The following PECAM1 variants were observed in gnomAD, a reference collection of about 807,000 sequenced individuals.
The protein encoded by PECAM1 is platelet endothelial cell adhesion molecule.
In PECAM1, 8 loss-of-function variants were observed where a neutral mutation model predicts 13.8. The observed-to-expected ratio is 0.58, with a 90% CI of 0.34 to 1.05. PECAM1 has a LOEUF of 1.05. Among genes scored for constraint, PECAM1 ranks in the 50% least tolerant of loss-of-function variants. The pLI is 0.03. For missense variants in PECAM1, 304 were observed against 141.2 expected, an observed-to-expected ratio of 2.15 and a Z score of -5.84; for synonymous variants, 136 against 52.6, an observed-to-expected ratio of 2.58 and a Z score of -6.86.
intron 2 of PECAM1, among the ~76,000 whole-genome samples, chr17:64,379,610 C>A (rs1287995394): frequency 6.6e-6 from 1 of 152,132 alleles, no homozygotes; most frequent in African/African-American, 2.4e-5. Flanking sequence ...ACTAGCTTCC[C>A]TGTGGTTGTC....
chr17:64,326,114 G>A (rs550812976), intron 15 of PECAM1, among the ~76,000 whole-genome samples: 17 of 152,276 alleles, frequency 1.1e-4, no homozygotes, highest in African/African-American at 3.9e-4. Flanking sequence ...AGGAGCCCTT[G>A]GAGGGAAAAA....
intron 2 of PECAM1, 150 bp from the exon 3 acceptor site, chr17:64,378,267 T>C: frequency 2.5e-6 from 1 of 396,514 alleles, no homozygotes; most frequent in East Asian, 3.6e-5. Context: ...AGGCTGATAG[T>C]AACTGTGCAC....
rs13306807 is a variant in PECAM1, at chr17:64,323,389, A to C, written c.*427T>G. 9 of 1,102,078 alleles carry C rather than the reference A, an allele frequency of 8.2e-6. No individual in the cohort carries two copies. The East Asian group carries it at 6.6e-4, about 81-fold the overall frequency. The allele number at this position is 1,102,078 out of a possible 1,614,324, so 68.3% of individuals were successfully genotyped here. A position where few individuals can be genotyped will look rare whatever the true frequency, so the allele number is the denominator to read the frequency against. On this transcript the variant is annotated 3_prime_UTR_variant, in exon 16 of 16. Transcript: ENST00000563924. ...CCTTTGAAGGACCAAAGGAAAAGAG[A>C]AAAAACCAGCCTCTAACCAGGCCAT...
rs1055981721 is a variant in PECAM1, at chr17:64,322,152, A to G, written c.*1664T>C. 22 of 899,270 alleles carry G rather than the reference A, an allele frequency of 2.4e-5. No homozygotes were observed. The African/African-American group carries it at 2.5e-4, about 10-fold the overall frequency. 55.7% of individuals were successfully genotyped at this position (899,270 alleles called of 1,614,324 possible). A position where few individuals can be genotyped will look rare whatever the true frequency, so the allele number is the denominator to read the frequency against. ...AGGCCTGTGGAGCACACATGAGGAC[A>G]AGGCGGGCAGATCACCAAAGGTCAG... On this transcript the variant is annotated 3_prime_UTR_variant, in exon 16 of 16. Coordinates refer to ENST00000563924, the MANE Select transcript of PECAM1 (RefSeq NM_000442.5).
rs1370467406 is a variant in PECAM1 at position 64,356,415 on chromosome 17, G to A, written c.1493-17C>T. 1 of 455,634 alleles carries A rather than the reference G, an allele frequency of 2.2e-6. No homozygotes were observed. The highest frequency in any genetic ancestry group is 2.0e-5 in the African/African-American group (1 of 49,980). The allele number at this position is 455,634 out of a possible 1,614,324, so 28.2% of individuals were successfully genotyped here. The stretch of plus-strand genomic sequence containing the variant: ...CCACCGGGGCTGAAAAGCAGGAAAA[G>A]GATTCACACTGAGCAAAGAAGGGCA... On this transcript the variant is annotated splice_polypyrimidine_tract_variant and intron_variant, in intron 7 of 15. Coordinates refer to ENST00000563924, the MANE Select transcript of PECAM1 (RefSeq NM_000442.5).
chr17:64,354,960 T>G lies in PECAM1; in HGVS notation c.1861A>C (p.Lys621Gln), dbSNP rs2035814778. The G allele has an allele frequency of 2.1e-6, 1 of 475,236 alleles. No homozygotes were observed. Among genetic ancestry groups the G allele is most frequent in the South Asian group, 6.7e-5 (1 of 14,878 alleles). 29.4% of individuals were successfully genotyped at this position (475,236 alleles called of 1,614,324 possible). Residue 621 changes from lysine to glutamine, a missense_variant, in exon 9 of 16, where the codon AAA becomes CAA. Lys to Gln is a moderately conservative substitution (Grantham distance 53, BLOSUM62 1). Coordinates refer to ENST00000563924, the MANE Select transcript of PECAM1 (RefSeq NM_000442.5). ...TTGGCTTTCCTCAGAAAATAACATT[T>G]GGCCGCAATGATCAAGAGAGCAATG... ...VIIALLIIAA[K>Q]CYFLRKAKAK...
intron 13 of PECAM1, among the ~76,000 whole-genome samples, chr17:64,347,180 G>A (rs1187844250): frequency 6.6e-6 from 1 of 151,924 alleles, no homozygotes; most frequent in African/African-American, 2.4e-5. Context: ...ACCAGCCAGG[G>A]CAACATGGCG....
At chr17:64,351,683 C>A (rs916767494) in intron 11 of PECAM1, among the ~76,000 whole-genome samples, 1 of 152,070 alleles carries the variant, frequency 6.6e-6, no homozygotes, top group Non-Finnish European at 1.5e-5. Context: ...CCACTGCACT[C>A]CAGCCTGGGA....
intron 2 of PECAM1, among the ~76,000 whole-genome samples, chr17:64,384,887 T>G (rs2036560174): frequency 6.6e-6 from 1 of 152,246 alleles, no homozygotes; most frequent in Non-Finnish European, 1.5e-5. Flanking sequence ...GCCTGATTCT[T>G]GTTTTGATAA....
chr17:64,349,224 C>T (rs910082165), intron 12 of PECAM1, among the ~76,000 whole-genome samples: 2 of 152,140 alleles, frequency 1.3e-5, no homozygotes, highest in Non-Finnish European at 2.9e-5. Flanking sequence ...AATAACATTA[C>T]TGTTTTGTTT....
intron 14 of PECAM1, among the ~76,000 whole-genome samples, chr17:64,333,507 C>A (rs1597997319): frequency 6.6e-6 from 1 of 152,000 alleles, no homozygotes; most frequent in East Asian, 1.9e-4. Flanking sequence ...TTAGCGGTAT[C>A]CCTGGCCTCT....
At chr17:64,351,366 A>C (rs2035719036) in intron 11 of PECAM1, among the ~76,000 whole-genome samples, 1 of 152,170 alleles carries the variant, frequency 6.6e-6, no homozygotes, top group Non-Finnish European at 1.5e-5. Context: ...AAAATTTCTT[A>C]TTTTGTGAGA....
intron 2 of PECAM1, chr17:64,390,150 A>C: frequency 6.8e-6 from 2 of 294,044 alleles, no homozygotes; most frequent in East Asian, 5.8e-5. Flanking sequence ...GCAACAACCT[A>C]ATATATTTTT....
chr17:64,336,020 TTGGGAGGCCAAGG>T (rs1203317240), intron 14 of PECAM1, among the ~76,000 whole-genome samples: 1 of 151,938 alleles, frequency 6.6e-6, no homozygotes, highest in East Asian at 1.9e-4. Context: ...TCCCAGCACT[TTGGGAGGCCAAGG>T]CAGGTGGATC....
intron 9 of PECAM1, among the ~76,000 whole-genome samples, chr17:64,354,563 G>A (rs2035806453): frequency 6.6e-6 from 1 of 152,180 alleles, no homozygotes; most frequent in Non-Finnish European, 1.5e-5. Context: ...CTGCTCAGCC[G>A]GGCTTACTTA....
intron 14 of PECAM1, among the ~76,000 whole-genome samples, chr17:64,334,086 G>T (rs1315090346): frequency 1.3e-4 from 20 of 149,288 alleles, no homozygotes; most frequent in African/African-American, 4.9e-4. Context: ...ACGTGGGGAG[G>T]CAGCTGAGTG....
At chr17:64,349,590 A>AAAAAAAAAAAAAC (rs2035665450) in intron 12 of PECAM1, among the ~76,000 whole-genome samples, 1 of 148,648 alleles carries the variant, frequency 6.7e-6, no homozygotes, top group Non-Finnish European at 1.5e-5. Flanking sequence ...TCTGTATCAA[A>AAAAAAAAAAAAAC]AAAAAAAAAA....
In PECAM1 at chr17:64,349,470, C is replaced by T. The variant is rs2035661123; in HGVS notation, c.2044+910G>A. Among the ~76,000 whole-genome samples, 3 of 151,394 alleles carry T rather than the reference C, an allele frequency of 2.0e-5. No individual in the cohort carries two copies. The South Asian group carries it at 6.3e-4, about 32-fold the overall frequency. ...GGGCATGGTGGCACACACCTGTAAT[C>T]CCAGCTACTTGGGAGGCTGAGGCAC... On this transcript the variant is annotated intron_variant, in intron 12 of 15. Transcript: ENST00000563924.
intron 14 of PECAM1, among the ~76,000 whole-genome samples, chr17:64,341,045 G>C (rs1183956795): frequency 6.7e-6 from 1 of 148,632 alleles, no homozygotes; most frequent in Non-Finnish European, 1.5e-5. Flanking sequence ...GCAGTGAGCC[G>C]AGATCGCTCC....
Sources: allele counts gnomAD v4.1 joint callset (sites outside exome capture counted in the v4.1 genomes callset), GRCh38; gene constraint gnomAD v4.1.1; transcripts MANE v1.5; gene names NCBI Gene and HGNC (gene_info 2026-07-23, HGNC 2026-07-21).